ECHDC1: variants seen among roughly 807,000 people sequenced by gnomAD.
ECHDC1 encodes ethylmalonyl-CoA decarboxylase 1.
Under a neutral mutation model 29.7 loss-of-function variants are expected in ECHDC1, and 29 were observed. That is an observed-to-expected ratio of 0.98 (90% CI 0.73 to 1.33). The LOEUF (loss-of-function observed/expected upper bound fraction) is 1.33, where lower values mean the gene tolerates loss of function less well. Ranked by LOEUF, ECHDC1 falls within the 40% of genes most tolerant of loss-of-function variation. The pLI is 0.00. For missense variants in ECHDC1, 328 were observed against 350.0 expected (o/e 0.94, Z 0.50); for synonymous variants, 126 against 123.1 (o/e 1.02, Z -0.15).
At chr6:127,297,562 C>T (rs1227128257) in intron 5 of ECHDC1, among the ~76,000 whole-genome samples, 1 of 152,152 alleles carries the variant, frequency 6.6e-6, no homozygotes, top group Non-Finnish European at 1.5e-5. Context: ...AAGCAAGGCC[C>T]AACAGAGAAG....
chr6:127,326,807 T>C, intron 3 of ECHDC1, 195 bp downstream of exon 3: 1 of 546,418 alleles, frequency 1.8e-6, no homozygotes, highest in Admixed American at 3.4e-5. Flanking sequence ...GATATACTAC[T>C]AGTAAAACCT....
At chr6:127,336,578 A>C (rs758011729) in intron 1 of ECHDC1, among the ~76,000 whole-genome samples, 4 of 152,174 alleles carry the variant, frequency 2.6e-5, no homozygotes, top group Admixed American at 6.5e-5. Flanking sequence ...ATCCTGGTCA[A>C]ATAAACTCTC....
rs1171899990 is a variant in ECHDC1 at position 127,314,804 on chromosome 6, T to C, written c.497+12A>G. The C allele has an allele frequency of 6.3e-7, 1 of 1,589,884 alleles. No individual in the cohort carries two copies. Among genetic ancestry groups the C allele is most frequent in the Non-Finnish European group, 8.5e-7 (1 of 1,171,354 alleles). On this transcript the variant is annotated intron_variant, in intron 5 of 5. Transcript: ENST00000454859. The stretch of plus-strand genomic sequence containing the variant: ...ATATTTGTGCAAGAAATTAATGAAA[T>C]TTTCATCCTACCTGAAATCACATGC...
At chr6:127,328,200 G>A (rs1254549518) in intron 2 of ECHDC1, among the ~76,000 whole-genome samples, 1 of 152,186 alleles carries the variant, frequency 6.6e-6, no homozygotes, top group Non-Finnish European at 1.5e-5. Flanking sequence ...GACTAATGCA[G>A]CTATCCTTTC....
intron 2 of ECHDC1, chr6:127,329,835 A>G (rs1783753915): frequency 2.2e-6 from 1 of 449,680 alleles, no homozygotes; most frequent in Non-Finnish European, 4.5e-6. Context: ...TGTTTCTTAC[A>G]TTATGTTTTC....
At chr6:127,338,153 T>G (rs754105308) in intron 1 of ECHDC1, among the ~76,000 whole-genome samples, 1 of 152,220 alleles carries the variant, frequency 6.6e-6, no homozygotes, top group Non-Finnish European at 1.5e-5. Flanking sequence ...TAGACATATA[T>G]GCATATGTTA....
chr6:127,330,576 T>A (rs1035715347), intron 2 of ECHDC1, among the ~76,000 whole-genome samples: 9 of 152,210 alleles, frequency 5.9e-5, no homozygotes, highest in African/African-American at 1.7e-4. Flanking sequence ...TTCCTTTTTA[T>A]CAATATCTGT....
At chr6:127,299,883 T>TAA (rs1780923720) in intron 5 of ECHDC1, among the ~76,000 whole-genome samples, 3 of 152,204 alleles carry the variant, frequency 2.0e-5, no homozygotes, top group Non-Finnish European at 4.4e-5. Context: ...TTACTGTACC[T>TAA]TTTCATTTAG....
intron 2 of ECHDC1, 41 bp from the exon 3 acceptor site, chr6:127,327,185 T>A (rs1783430643): frequency 6.3e-7 from 1 of 1,594,626 alleles, no homozygotes; most frequent in African/African-American, 1.3e-5. Context: ...TATATGAAGG[T>A]GACTGGAAAA....
rs569018477 is a variant in ECHDC1, at chr6:127,310,211, T to C, written c.497+4605A>G. 3.9e-5 allele frequency among the ~76,000 whole-genome samples: 6 copies of C among 152,228 alleles called. No individual in the cohort carries two copies. In the East Asian group the frequency reaches 1.2e-3, roughly 29 times the overall value. On this transcript the variant is annotated intron_variant, in intron 5 of 5. Coordinates refer to ENST00000454859, the MANE Select transcript of ECHDC1 (RefSeq NM_001002030.2). ...AGTTAATAATATAATAATAACCTAATTATACATTTAAAAACAACTAAAAGA... is the reference window on the plus strand; with the variant it reads ...AGTTAATAATATAATAATAACCTAACTATACATTTAAAAACAACTAAAAGA...
At chr6:127,334,218 T>C (rs755701494) in intron 1 of ECHDC1, among the ~76,000 whole-genome samples, 1 of 152,140 alleles carries the variant, frequency 6.6e-6, no homozygotes, top group South Asian at 2.1e-4. Context: ...AAAATCATTA[T>C]TTAATCCTGA....
intron 1 of ECHDC1, among the ~76,000 whole-genome samples, chr6:127,331,479 A>G (rs2114684970): frequency 6.6e-6 from 1 of 152,254 alleles, no homozygotes; most frequent in East Asian, 1.9e-4. Flanking sequence ...CTTTCAGGAA[A>G]TGATCAGTAT....
chr6:127,314,686 A>T (rs1782213017), intron 5 of ECHDC1, 130 bp downstream of exon 5: 4 of 677,294 alleles, frequency 5.9e-6, no homozygotes, highest in Non-Finnish European at 9.6e-6. Context: ...GACTGACAAA[A>T]AGAAAACATT....
At chr6:127,290,925 G>C (rs1346590943) in intron 5 of ECHDC1, among the ~76,000 whole-genome samples, 1 of 152,056 alleles carries the variant, frequency 6.6e-6, no homozygotes, top group African/African-American at 2.4e-5. Flanking sequence ...TGTGCTGGGG[G>C]TGTGCTATTT....
chr6:127,308,102 C>T (rs188716956), intron 5 of ECHDC1, among the ~76,000 whole-genome samples: 145 of 152,112 alleles, frequency 9.5e-4, no homozygotes, highest in African/African-American at 3.2e-3. Context: ...CAAACTATTC[C>T]GATATTCTGA....
chr6:127,334,359 G>A (rs926506635), intron 1 of ECHDC1, among the ~76,000 whole-genome samples: 19 of 152,014 alleles, frequency 1.2e-4, no homozygotes, highest in Admixed American at 7.9e-4. Flanking sequence ...TTGGAGGTCC[G>A]TATGCAATGG....
intron 5 of ECHDC1, among the ~76,000 whole-genome samples, chr6:127,294,232 C>T (rs752657967): frequency 6.6e-6 from 1 of 151,964 alleles, no homozygotes; most frequent in Admixed American, 6.6e-5. Flanking sequence ...AGTGTAGGGC[C>T]AGAAACGGCT....
At chr6:127,311,755 GA>G (rs938926279) in intron 5 of ECHDC1, among the ~76,000 whole-genome samples, 2 of 98,412 alleles carry the variant, frequency 2.0e-5, no homozygotes, top group African/African-American at 3.8e-5. Context: ...ATTTATATCA[GA>G]AAAAAAACAG....
intron 5 of ECHDC1, chr6:127,313,335 T>C (rs186232331): frequency 6.2e-4 from 141 of 228,536 alleles, no homozygotes; most frequent in African/African-American, 3.1e-3. Flanking sequence ...TCCCAAGTTG[T>C]AGGACTACAG....
Sources: gnomAD v4.1 joint callset for allele counts (sites outside exome capture counted in the v4.1 genomes callset) on GRCh38, gnomAD v4.1.1 for gene constraint, MANE v1.5 for transcripts, NCBI Gene and HGNC (gene_info 2026-07-23, HGNC 2026-07-21) for gene names.